Variants in RBFOX1 observed in about 807,000 individuals in gnomAD.
RBFOX1 encodes RNA binding fox-1 homolog 1.
Under a neutral mutation model 57.7 loss-of-function variants are expected in RBFOX1, and 8 were observed. That is an observed-to-expected ratio of 0.14 (90% CI 0.08 to 0.25). The LOEUF is 0.25. Among genes scored for constraint, RBFOX1 ranks in the 10% least tolerant of loss-of-function variants. RBFOX1 has a pLI of 1.00. For missense variants in RBFOX1, 611 were observed against 548.5 expected (o/e 1.11, Z -1.14); for synonymous variants, 326 against 222.4 (o/e 1.47, Z -4.15).
At chr16:6,602,506 A>G (rs1318817183) in intron 2 of RBFOX1, among the ~76,000 whole-genome samples, 2 of 152,070 alleles carry the variant, frequency 1.3e-5, no homozygotes, top group Non-Finnish European at 2.9e-5. Flanking sequence ...TGAATCCCCA[A>G]CAGCTGACCT....
chr16:7,078,863 C>T (rs868009346), intron 4 of RBFOX1, among the ~76,000 whole-genome samples: 107 of 52,746 alleles, frequency 2.0e-3, no homozygotes, highest in African/African-American at 7.7e-3. Flanking sequence ...ATATATATAC[C>T]TTTTTTTTTT....
chr16:5,634,119 T>C (rs2048607682), intron 3 of RBFOX1, among the ~76,000 whole-genome samples: 3 of 152,326 alleles, frequency 2.0e-5, no homozygotes, highest in East Asian at 1.9e-4. Context: ...TTACCTTTTA[T>C]AGCCACTGGC....
At chr16:7,040,035 ATT>A (rs1368746471) in intron 3 of RBFOX1, among the ~76,000 whole-genome samples, 2 of 151,150 alleles carry the variant, frequency 1.3e-5, no homozygotes, top group Admixed American at 6.6e-5. Context: ...TATTATTATT[ATT>A]TTGAGACAAA....
chr16:5,872,622 G>A (rs1157449778), intron 4 of RBFOX1, among the ~76,000 whole-genome samples: 1 of 152,056 alleles, frequency 6.6e-6, no homozygotes. Flanking sequence ...TGTAGTCCCA[G>A]CTACTCAGGA....
At chr16:7,115,076 A>C (rs1377871940) in intron 4 of RBFOX1, among the ~76,000 whole-genome samples, 1 of 152,214 alleles carries the variant, frequency 6.6e-6, no homozygotes, top group Non-Finnish European at 1.5e-5. Context: ...AAAATATTCC[A>C]AAGCCTTTGC....
rs80007641 is a variant in RBFOX1 at position 6,888,659 on chromosome 16, T to G, written c.-15-163398T>G. On this transcript the variant is annotated intron_variant, in intron 3 of 15. Coordinates refer to ENST00000550418, the MANE Select transcript of RBFOX1 (RefSeq NM_018723.4). ...TGCAGGTCAGTATTTATACTATTTC[T>G]GACCCAGATGTCTCCTGTATTCTAA... is the stretch of plus-strand genomic sequence containing the variant. Among the ~76,000 whole-genome samples the G allele has an allele frequency of 6.1e-3, 922 of 152,314 alleles. 14 individuals carry two copies. Among genetic ancestry groups the G allele is most frequent in the African/African-American group, 0.021 (873 of 41,556 alleles).
At chr16:6,906,277 G>T (rs1476866850) in intron 3 of RBFOX1, among the ~76,000 whole-genome samples, 4 of 151,672 alleles carry the variant, frequency 2.6e-5, no homozygotes, top group Non-Finnish European at 5.9e-5. Context: ...TGGAGCGGAA[G>T]GATTAAATAT....
rs59491646 is a variant in RBFOX1, at chr16:5,889,692, C to T, written c.351+22357C>T. On this transcript the variant is annotated intron_variant, in intron 4 of 19. Coordinates refer to the RBFOX1 transcript ENST00000641259. ...ATAACCAAAAGCCAACGTGGAGGAGCGCCTGTCCGTGGCAGCCCATGCTAG... is the reference window on the plus strand; with the variant it reads ...ATAACCAAAAGCCAACGTGGAGGAGTGCCTGTCCGTGGCAGCCCATGCTAG... 5.0e-3 allele frequency among the ~76,000 whole-genome samples: 763 copies of T among 152,294 alleles called. 14 individuals carry two copies. The highest frequency in any genetic ancestry group is 0.017 in the African/African-American group (727 of 41,562).
At chr16:5,966,617 CTAAT>C (rs1415042282) in intron 4 of RBFOX1, among the ~76,000 whole-genome samples, 6 of 152,132 alleles carry the variant, frequency 3.9e-5, no homozygotes, top group Non-Finnish European at 5.9e-5. Flanking sequence ...CCACAGCCAG[CTAAT>C]TTTTGTATTT....
At chr16:7,297,188 G>T (rs540751886) in intron 4 of RBFOX1, among the ~76,000 whole-genome samples, 1 of 152,140 alleles carries the variant, frequency 6.6e-6, no homozygotes, top group Non-Finnish European at 1.5e-5. Flanking sequence ...GCCATGGCTT[G>T]TAGGAACAAA....
At chr16:7,342,560 G>C (rs142606678) in intron 4 of RBFOX1, among the ~76,000 whole-genome samples, 1 of 152,110 alleles carries the variant, frequency 6.6e-6, no homozygotes, top group East Asian at 1.9e-4. Context: ...TTGATAAATC[G>C]AGATGCTCTA....
At chr16:7,166,962 C>T (rs1277135618) in intron 4 of RBFOX1, among the ~76,000 whole-genome samples, 1 of 109,958 alleles carries the variant, frequency 9.1e-6, no homozygotes. Flanking sequence ...CAGATTGCTG[C>T]ATTGGTGTTC....
At chr16:6,478,429 ATTTTTTTTTTT>A (rs58352204) in intron 2 of RBFOX1, among the ~76,000 whole-genome samples, 2 of 24,616 alleles carry the variant, frequency 8.1e-5, no homozygotes, top group African/African-American at 2.6e-4. Context: ...ATATATATAT[ATTTTTTTTTTT>A]TTTTTTTGTA....
rs57154832 is a variant in RBFOX1 at position 6,242,629 on chromosome 16, AACACACAC to A, written c.-126-74338_-126-74331del. Among the ~76,000 whole-genome samples, 372 of 141,630 alleles carry A rather than the reference AACACACAC, an allele frequency of 2.6e-3. 2 individuals carry two copies. The highest frequency in any genetic ancestry group is 8.6e-3 in the African/African-American group (328 of 38,192). The allele number at this position is 141,630 out of a possible 152,430, so 92.9% of individuals were successfully genotyped here. ...GTTTGAGAGAGGATAATTTATTGCAAACACACACACACACACACACACACACACACACA... is the reference window on the plus strand; with the variant it reads ...GTTTGAGAGAGGATAATTTATTGCAAACACACACACACACACACACACACA... On this transcript the variant is annotated intron_variant, in intron 1 of 15. Coordinates refer to ENST00000550418, the MANE Select transcript of RBFOX1 (RefSeq NM_018723.4).
intron 3 of RBFOX1, among the ~76,000 whole-genome samples, chr16:6,798,621 G>A (rs956645297): frequency 6.6e-6 from 1 of 152,188 alleles, no homozygotes; most frequent in African/African-American, 2.4e-5. Flanking sequence ...TTGTTGACTA[G>A]TGCCTTTCGT....
intron 3 of RBFOX1, among the ~76,000 whole-genome samples, chr16:7,026,013 G>C (rs1057313007): frequency 6.6e-6 from 1 of 152,186 alleles, no homozygotes; most frequent in Admixed American, 6.5e-5. Flanking sequence ...TTTGGGATCA[G>C]ACCCCAGACC....
chr16:7,056,315 A>T (rs143691096), intron 4 of RBFOX1, among the ~76,000 whole-genome samples: 2 of 152,266 alleles, frequency 1.3e-5, no homozygotes, highest in Non-Finnish European at 2.9e-5. Context: ...CCTCCGTCCC[A>T]AGGTTTGTCA....
chr16:5,281,101 T>G (rs2063261192), intron 1 of RBFOX1, among the ~76,000 whole-genome samples: 1 of 152,202 alleles, frequency 6.6e-6, no homozygotes, highest in African/African-American at 2.4e-5. Context: ...GTACTGCTTT[T>G]GCTGTGTGCC....
intron 3 of RBFOX1, among the ~76,000 whole-genome samples, chr16:6,973,865 C>A (rs192419984): frequency 6.6e-6 from 1 of 152,008 alleles, no homozygotes. Context: ...GTTTACTGTG[C>A]CTGTCAAGCT....
Sources: gnomAD v4.1 joint callset for allele counts (sites outside exome capture counted in the v4.1 genomes callset) on GRCh38, gnomAD v4.1.1 for gene constraint, MANE v1.5 for transcripts, NCBI Gene and HGNC (gene_info 2026-07-23, HGNC 2026-07-21) for gene names.